Variants in CORO2B observed in about 807,000 individuals in gnomAD.
CORO2B encodes coronin-2B.
Under a neutral mutation model 58.8 loss-of-function variants are expected in CORO2B, and 26 were observed. The ratio of observed to expected loss-of-function variants is 0.44; its 90% CI spans 0.32 to 0.61. The LOEUF is 0.61. Ranked by LOEUF, CORO2B falls within the 20% of genes least tolerant of loss-of-function variation. The pLI, the probability that CORO2B is intolerant of heterozygous loss-of-function variation, is 0.04. For synonymous variants in CORO2B, 242 were observed against 253.8 expected, an observed-to-expected ratio of 0.95 and a Z score of 0.44; for missense variants, 460 against 645.1, an observed-to-expected ratio of 0.71 and a Z score of 3.11.
chr15:68,627,618 T>G (rs1207943569), intron 1 of CORO2B, among the ~76,000 whole-genome samples: 2 of 152,026 alleles, frequency 1.3e-5, no homozygotes, highest in African/African-American at 4.8e-5. Context: ...CATGGTTGGG[T>G]GAGAGGCACT....
At chr15:68,597,018 TC>T (rs553657740) in intron 1 of CORO2B, among the ~76,000 whole-genome samples, 124 of 151,604 alleles carry the variant, frequency 8.2e-4, no homozygotes, top group African/African-American at 2.9e-3. Flanking sequence ...GGGACCGCCC[TC>T]CCCTGCCAGC....
intron 1 of CORO2B, among the ~76,000 whole-genome samples, chr15:68,626,976 C>T (rs1382206825): frequency 2.6e-5 from 4 of 152,276 alleles, no homozygotes; most frequent in African/African-American, 7.2e-5. Context: ...GCTCTGAGCA[C>T]AGGATGTGTA....
the CORO2B span, among the ~76,000 whole-genome samples, chr15:68,519,013 A>G: frequency 6.6e-6 from 1 of 152,184 alleles, no homozygotes; most frequent in Admixed American, 6.5e-5. Context: ...TACAGGAGCA[A>G]AGCAGAGTAT....
chr15:68,536,889 G>A, the CORO2B span, among the ~76,000 whole-genome samples: 3 of 152,196 alleles, frequency 2.0e-5, no homozygotes, highest in South Asian at 6.2e-4. Flanking sequence ...TGGCTGGAAT[G>A]TTGGCCTGCT....
intron 2 of CORO2B, among the ~76,000 whole-genome samples, chr15:68,666,082 T>C (rs1902181033): frequency 6.6e-6 from 1 of 152,254 alleles, no homozygotes; most frequent in African/African-American, 2.4e-5. Context: ...CTTTCAAACA[T>C]ACTGCAAAGT....
At chr15:68,716,248 G>A (rs1567019271) in intron 8 of CORO2B, among the ~76,000 whole-genome samples, 2 of 152,238 alleles carry the variant, frequency 1.3e-5, no homozygotes, top group South Asian at 2.1e-4. Context: ...GGACTTTGGA[G>A]TCAGACCTGG....
Position 68,645,026 on chromosome 15 carries a change from C to T in CORO2B, c.16-134C>T, listed in dbSNP as rs1901375977. The stretch of plus-strand genomic sequence containing the variant: ...CTTGGATGCTTCTTCCTTTCCATCT[C>T]TTCCTGACAGGGGACCCAGGGCCTG... On this transcript the variant is annotated intron_variant, in intron 1 of 11. Transcript: ENST00000261861. The surrounding 1 kb of genome is among the most constrained non-coding windows in gnomAD (Gnocchi z 4.5). 19 of 829,590 alleles carry T rather than the reference C, an allele frequency of 2.3e-5. No homozygotes were observed. The South Asian group carries it at 3.4e-4, about 15-fold the overall frequency. 51.4% of individuals were successfully genotyped at this position (829,590 alleles called of 1,614,324 possible).
intron 3 of CORO2B, among the ~76,000 whole-genome samples, chr15:68,706,567 G>T (rs187440815): frequency 5.9e-5 from 9 of 152,312 alleles, no homozygotes; most frequent in Non-Finnish European, 1.5e-5. Flanking sequence ...CAATGCTTAT[G>T]CACCAAGATA....
At chr15:68,536,361 A>C in the CORO2B span, among the ~76,000 whole-genome samples, 620 of 152,324 alleles carry the variant, frequency 4.1e-3, 3 homozygotes, top group Non-Finnish European at 6.1e-3. Context: ...AGGTTTTGTG[A>C]TTTTGAATCT....
At position 68,725,957 on chromosome 15, in the gene CORO2B, A is replaced by G. The variant is rs1266978935; in HGVS notation, c.1426A>G (p.Ser476Gly). The G allele has an allele frequency of 6.2e-7, 1 of 1,613,818 alleles. No homozygotes were observed. Among genetic ancestry groups the G allele is most frequent in the Admixed American group, 1.7e-5 (1 of 60,016 alleles). The change falls in exon 12 of 12, where the codon AGC (serine) becomes GGC (glycine). Residue 476 changes from serine (S) to glycine (G), a missense_variant. By Grantham distance (56) the Ser-to-Gly change is moderately conservative. Around this residue, in one of 2 missense-constraint regions of CORO2B, gnomAD observed 108 missense variants for 102.1 expected, o/e 1.06. Transcript: ENST00000261861. ...GCTGGAACTGAAAAACTTGCGCAAC[A>G]GCCCCAAGAACTGTTAGCTCCCCAG... Reference protein sequence around the residue: ...LQLELKNLRNSPKNC With the variant: ...LQLELKNLRNGPKNC
chr15:68,648,874 A>C (rs1366399674), intron 2 of CORO2B, among the ~76,000 whole-genome samples: 1 of 152,250 alleles, frequency 6.6e-6, no homozygotes, highest in African/African-American at 2.4e-5. Context: ...ATATTTAAAG[A>C]TGCATGTCTA....
chr15:68,583,063 G>T (rs1036746773), intron 1 of CORO2B, among the ~76,000 whole-genome samples: 1 of 152,270 alleles, frequency 6.6e-6, no homozygotes, highest in Admixed American at 6.5e-5. Context: ...TGGGCAGCAC[G>T]ATCAACTGTG....
At chr15:68,693,078 C>T (rs927975795) in intron 2 of CORO2B, among the ~76,000 whole-genome samples, 3 of 152,172 alleles carry the variant, frequency 2.0e-5, no homozygotes, top group African/African-American at 7.2e-5. Context: ...CTAATTTTCC[C>T]ACAACATACA....
upstream of CORO2B, among the ~76,000 whole-genome samples, chr15:68,577,050 T>C (rs1263410920): frequency 2.0e-5 from 3 of 152,114 alleles, no homozygotes; most frequent in African/African-American, 7.2e-5. Context: ...AGAGCATTCC[T>C]GGCAGGCAAG....
chr15:68,583,177 C>G (rs1595950946), intron 1 of CORO2B, among the ~76,000 whole-genome samples: 1 of 152,144 alleles, frequency 6.6e-6, no homozygotes, highest in Admixed American at 6.5e-5. Flanking sequence ...TGTGAAAGGA[C>G]TGAGGATGAT....
chr15:68,580,263 G>A (rs62002123), intron 1 of CORO2B, among the ~76,000 whole-genome samples: 2,323 of 152,318 alleles, frequency 0.015, 22 homozygotes, highest in Non-Finnish European at 0.025. Context: ...CGGTGGCCTC[G>A]GGCTTGGCCG....
intron 1 of CORO2B, among the ~76,000 whole-genome samples, chr15:68,614,333 A>C (rs1900304845): frequency 6.6e-6 from 1 of 152,360 alleles, no homozygotes; most frequent in South Asian, 2.1e-4. Context: ...GTGCCGTATT[A>C]TCACATAAAA....
intron 3 of CORO2B, among the ~76,000 whole-genome samples, chr15:68,709,871 C>A (rs1892874449): frequency 6.8e-6 from 1 of 146,988 alleles, no homozygotes; most frequent in Admixed American, 6.8e-5. Context: ...TGAAACAGGG[C>A]AGGGATGTTC....
At chr15:68,698,119 C>A (rs1006226520) in intron 3 of CORO2B, among the ~76,000 whole-genome samples, 4 of 152,178 alleles carry the variant, frequency 2.6e-5, no homozygotes, top group African/African-American at 9.7e-5. Context: ...ACTGCCACCC[C>A]CAAACTGAGG....
Sources: gnomAD v4.1 joint callset for allele counts (sites outside exome capture counted in the v4.1 genomes callset) on GRCh38, gnomAD v4.1.1 for gene constraint, gnomAD v4.1.1 regional missense constraint, Gnocchi (gnomAD v3.1) non-coding constraint, MANE v1.5 for transcripts, NCBI Gene and HGNC (gene_info 2026-07-23, HGNC 2026-07-21) for gene names.